The following SH3BGRL2 variants were observed in gnomAD, a reference collection of about 807,000 sequenced individuals.
SH3BGRL2 encodes SH3 domain-binding glutamic acid-rich-like protein 2.
In SH3BGRL2, 21 loss-of-function variants were observed where a neutral mutation model predicts 14.8. The ratio of observed to expected loss-of-function variants is 1.42; its 90% CI spans 1.01 to 2.05. The LOEUF is 2.05. Ranked by LOEUF, SH3BGRL2 falls within the 30% of genes most tolerant of loss-of-function variation. SH3BGRL2 has a pLI of 0.00. For synonymous variants in SH3BGRL2, 50 were observed against 47.8 expected (o/e 1.05, Z -0.19); for missense variants, 147 against 130.8 (o/e 1.12, Z -0.61).
the SH3BGRL2 span, among the ~76,000 whole-genome samples, chr6:79,565,368 A>T: frequency 6.6e-6 from 1 of 152,224 alleles, no homozygotes; most frequent in African/African-American, 2.4e-5. Context: ...TAAATTTAAT[A>T]CTAGTTTGTG....
At chr6:79,550,299 C>T in the SH3BGRL2 span, among the ~76,000 whole-genome samples, 1 of 152,068 alleles carries the variant, frequency 6.6e-6, no homozygotes, top group Non-Finnish European at 1.5e-5. Context: ...GAAGCTGGAA[C>T]TGAAGGAAGG....
the SH3BGRL2 span, among the ~76,000 whole-genome samples, chr6:79,578,501 A>C: frequency 1.3e-5 from 2 of 152,240 alleles, no homozygotes; most frequent in Non-Finnish European, 2.9e-5. Context: ...GATACCCAGG[A>C]AAACAGCATC....
chr6:79,599,950 G>A, the SH3BGRL2 span, among the ~76,000 whole-genome samples: 2 of 152,082 alleles, frequency 1.3e-5, no homozygotes, highest in Non-Finnish European at 2.9e-5. Context: ...AGGCTGGTGG[G>A]GCTGAGGAGA....
intron 1 of SH3BGRL2, among the ~76,000 whole-genome samples, chr6:79,667,992 A>C (rs1027772855): frequency 2.7e-5 from 4 of 150,614 alleles, no homozygotes; most frequent in African/African-American, 9.8e-5. Context: ...CTCAATGTTA[A>C]AAAAACTCTT....
intron 1 of SH3BGRL2, among the ~76,000 whole-genome samples, chr6:79,658,191 C>T (rs1385567202): frequency 1.3e-5 from 2 of 152,086 alleles, no homozygotes; most frequent in Non-Finnish European, 2.9e-5. Context: ...TACATGTACA[C>T]AGTGTGCAGG....
intron 1 of SH3BGRL2, among the ~76,000 whole-genome samples, chr6:79,655,962 G>A (rs149223482): frequency 3.9e-5 from 6 of 152,364 alleles, no homozygotes; most frequent in African/African-American, 1.2e-4. Flanking sequence ...GGGGAAGGTA[G>A]TTGGAGAGTT....
At chr6:79,576,044 A>G in the SH3BGRL2 span, among the ~76,000 whole-genome samples, 2 of 152,132 alleles carry the variant, frequency 1.3e-5, no homozygotes, top group African/African-American at 4.8e-5. Flanking sequence ...CTATGTAACT[A>G]GCAAAGCCAA....
At chr6:79,680,164 A>G (rs958201826) in intron 2 of SH3BGRL2, among the ~76,000 whole-genome samples, 5 of 152,156 alleles carry the variant, frequency 3.3e-5, no homozygotes, top group African/African-American at 1.2e-4. Context: ...TGCCAAATCC[A>G]GTGTCATGGA....
At chr6:79,622,172 G>C in the SH3BGRL2 span, among the ~76,000 whole-genome samples, 1 of 152,152 alleles carries the variant, frequency 6.6e-6, no homozygotes, top group Non-Finnish European at 1.5e-5. Flanking sequence ...GCAGCTGCAT[G>C]TATATCAATT....
the SH3BGRL2 span, among the ~76,000 whole-genome samples, chr6:79,622,524 C>G: frequency 6.6e-5 from 10 of 152,236 alleles, no homozygotes; most frequent in African/African-American, 2.4e-4. Context: ...GGTTCTCACA[C>G]AACCACTCAC....
chr6:79,563,022 C>G, the SH3BGRL2 span, among the ~76,000 whole-genome samples: 1 of 152,190 alleles, frequency 6.6e-6, no homozygotes, highest in Non-Finnish European at 1.5e-5. Context: ...GTAGCGCCAT[C>G]TGGGCTCACT....
chr6:79,692,957 A>G (rs912550005), intron 2 of SH3BGRL2, among the ~76,000 whole-genome samples: 1 of 152,030 alleles, frequency 6.6e-6, no homozygotes, highest in African/African-American at 2.4e-5. Flanking sequence ...TAGTATGGCC[A>G]TTTTCACGAT....
intron 1 of SH3BGRL2, among the ~76,000 whole-genome samples, chr6:79,631,986 G>A (rs910565722): frequency 6.6e-6 from 1 of 152,204 alleles, no homozygotes; most frequent in Non-Finnish European, 1.5e-5. Context: ...TTCCCCGCCA[G>A]CAAGTGCATT....
At chr6:79,624,380 T>C in the SH3BGRL2 span, among the ~76,000 whole-genome samples, 2 of 151,252 alleles carry the variant, frequency 1.3e-5, no homozygotes, top group South Asian at 4.2e-4. Flanking sequence ...AGATAATATA[T>C]AACCAAAAAA....
the SH3BGRL2 span, among the ~76,000 whole-genome samples, chr6:79,559,838 T>C: frequency 2.0e-5 from 3 of 152,230 alleles, no homozygotes; most frequent in Non-Finnish European, 4.4e-5. Flanking sequence ...GTAATAGATA[T>C]ATACTACACA....
chr6:79,587,869 A>G, the SH3BGRL2 span, among the ~76,000 whole-genome samples: 1 of 152,232 alleles, frequency 6.6e-6, no homozygotes, highest in Non-Finnish European at 1.5e-5. Flanking sequence ...TTGAGTTGCA[A>G]TAAGACAAAG....
At chr6:79,618,459 G>T in the SH3BGRL2 span, among the ~76,000 whole-genome samples, 1 of 152,188 alleles carries the variant, frequency 6.6e-6, no homozygotes, top group Non-Finnish European at 1.5e-5. Flanking sequence ...TGTAATTCCT[G>T]CATTTTGGGA....
the SH3BGRL2 span, among the ~76,000 whole-genome samples, chr6:79,573,411 CTT>C: frequency 2.6e-5 from 4 of 151,944 alleles, no homozygotes; most frequent in African/African-American, 9.7e-5. Flanking sequence ...ATTATTAAGT[CTT>C]AATATCAGGA....
upstream of SH3BGRL2, among the ~76,000 whole-genome samples, chr6:79,631,061 T>C (rs991413546): frequency 1.4e-4 from 22 of 152,182 alleles, no homozygotes; most frequent in Non-Finnish European, 2.9e-5. Context: ...TTTTGCCTAG[T>C]TTGCTTTTTC....
Sources: gnomAD v4.1 joint callset for allele counts (sites outside exome capture counted in the v4.1 genomes callset) on GRCh38, gnomAD v4.1.1 for gene constraint, MANE v1.5 for transcripts, NCBI Gene and HGNC (gene_info 2026-07-23, HGNC 2026-07-21) for gene names.